The following IQSEC1 variants were observed in gnomAD, a reference collection of about 807,000 sequenced individuals.
IQSEC1 encodes the protein IQ motif and SEC7 domain-containing protein 1.
In IQSEC1, 31 loss-of-function variants were observed where a neutral mutation model predicts 91.0. The observed-to-expected ratio is 0.34, with a 90% CI of 0.26 to 0.46. The LOEUF (loss-of-function observed/expected upper bound fraction) is 0.46. IQSEC1 is among the 20% of genes least tolerant of loss of function. The pLI, the probability that IQSEC1 is intolerant of heterozygous loss-of-function variation, is 1.00. For synonymous variants in IQSEC1, 699 were observed against 662.6 expected, an observed-to-expected ratio of 1.05 and a Z score of -0.84; for missense variants, 1,388 against 1,575.6, an observed-to-expected ratio of 0.88 and a Z score of 2.02.
At position 13,044,275 on chromosome 3, in the gene IQSEC1, G is replaced by A. The variant is rs148632029; in HGVS notation, c.23+28717C>T. ...AGAAATTTTGGTTGTCACAAATGGG[G>A]AGAGAGTGCCAGCATCCAGTGGCAT... On this transcript the variant is annotated intron_variant, in intron 1 of 13. Coordinates refer to ENST00000613206, the MANE Select transcript of IQSEC1 (RefSeq NM_001134382.3). 4.3e-3 allele frequency among the ~76,000 whole-genome samples: 648 copies of A among 152,334 alleles called. 2 individuals carry two copies. Among genetic ancestry groups the A allele is most frequent in the Middle Eastern group, 0.017 (5 of 294 alleles).
rs1214047111 is a variant in IQSEC1 at position 13,099,191 on chromosome 3, T to C, written c.303-51669A>G. On this transcript the variant is annotated intron_variant, in intron 2 of 15. Transcript: ENST00000648114. ...CCACTGAGTGTAGCCCTGGGGGCCA[T>C]AGCCCCTGGAGAGGGGTGAGGAGAG... Among the ~76,000 whole-genome samples the C allele has an allele frequency of 5.3e-5, 8 of 152,102 alleles. No individual in the cohort carries two copies. In the South Asian group the frequency reaches 1.4e-3, roughly 28 times the overall value.
chr3:13,077,386 T>C (rs745522269), upstream of IQSEC1, among the ~76,000 whole-genome samples: 3 of 152,224 alleles, frequency 2.0e-5, no homozygotes, highest in Admixed American at 6.5e-5. Context: ...ATTCACTCTG[T>C]AGTGAATCTC....
intron 2 of IQSEC1, among the ~76,000 whole-genome samples, chr3:13,084,664 A>G (rs1188082621): frequency 6.6e-6 from 1 of 152,178 alleles, no homozygotes; most frequent in Non-Finnish European, 1.5e-5. Context: ...GAACTCTGGG[A>G]TGGGCAGAAC....
At chr3:13,055,588 TCAC>T (rs1315941963) in intron 1 of IQSEC1, among the ~76,000 whole-genome samples, 13 of 152,182 alleles carry the variant, frequency 8.5e-5, no homozygotes, top group Admixed American at 8.5e-4. Flanking sequence ...ACAGATGCCT[TCAC>T]CACCCGTGTA....
rs1303943372 is a variant in IQSEC1 at position 12,993,369 on chromosome 3, A to G, written c.24-51504T>C. On this transcript the variant is annotated intron_variant, in intron 1 of 13. Transcript: ENST00000613206. Reference sequence around the variant, plus strand: ...CCCAAGGCGCGTCCGTGTGGCTCCCAGCGAATTCCTGAGATGCCTCAACCT... The same window carrying G: ...CCCAAGGCGCGTCCGTGTGGCTCCCGGCGAATTCCTGAGATGCCTCAACCT... 2.6e-5 allele frequency among the ~76,000 whole-genome samples: 4 copies of G among 151,826 alleles called. 1 individual carries two copies. The highest frequency in any genetic ancestry group is 9.7e-5 in the African/African-American group (4 of 41,362).
Position 12,992,368 on chromosome 3 carries a change from C to T in IQSEC1, c.24-50503G>A, listed in dbSNP as rs1045936792. ...GGTGGGGGGTGGGAGGAGATGGCAC[C>T]GCTAAGGCAATTTCTCTTCTTTCCC... On this transcript the variant is annotated intron_variant, in intron 1 of 13. Transcript: ENST00000613206. This position sits in a 1 kb window ranked among gnomAD's most constrained non-coding sequence, Gnocchi z 4.1. Among the ~76,000 whole-genome samples, 3 of 151,908 alleles carry T rather than the reference C, an allele frequency of 2.0e-5. No individual in the cohort carries two copies. Among genetic ancestry groups the T allele is most frequent in the Non-Finnish European group, 4.4e-5 (3 of 67,928 alleles).
At chr3:13,270,928 G>A (rs1373193840) in intron 1 of IQSEC1, among the ~76,000 whole-genome samples, 1 of 152,110 alleles carries the variant, frequency 6.6e-6, no homozygotes, top group Non-Finnish European at 1.5e-5. Context: ...CAAATAGGCT[G>A]AAAATGAAAG....
chr3:13,118,058 C>T (rs1051183009), intron 2 of IQSEC1, among the ~76,000 whole-genome samples: 6 of 152,174 alleles, frequency 3.9e-5, no homozygotes, highest in South Asian at 2.1e-4. Context: ...GTAGTGTTTG[C>T]TACAGTTAAT....
At chr3:12,982,548 GA>G (rs1701517035) in intron 1 of IQSEC1, among the ~76,000 whole-genome samples, 2 of 152,152 alleles carry the variant, frequency 1.3e-5, no homozygotes, top group South Asian at 4.1e-4. Context: ...TGCCATTAAA[GA>G]AAAAAATGTT....
At chr3:13,276,706 C>T (rs1695688285) in intron 1 of IQSEC1, among the ~76,000 whole-genome samples, 1 of 152,196 alleles carries the variant, frequency 6.6e-6, no homozygotes, top group Non-Finnish European at 1.5e-5. Context: ...TTGGCAACCT[C>T]AAGGCAGCAG....
intron 2 of IQSEC1, among the ~76,000 whole-genome samples, chr3:13,127,229 A>G (rs1350338154): frequency 6.6e-6 from 1 of 152,090 alleles, no homozygotes; most frequent in African/African-American, 2.4e-5. Flanking sequence ...CCTGGCCAAC[A>G]TGGTGAAACC....
chr3:13,180,386 T>C (rs924242539), intron 1 of IQSEC1, among the ~76,000 whole-genome samples: 2 of 152,170 alleles, frequency 1.3e-5, no homozygotes, highest in Non-Finnish European at 2.9e-5. Context: ...ACTCTGTATC[T>C]AGCTAATCTA....
intron 4 of IQSEC1, among the ~76,000 whole-genome samples, chr3:12,923,787 C>T (rs924588976): frequency 1.3e-5 from 2 of 152,374 alleles, no homozygotes; most frequent in East Asian, 1.9e-4. Flanking sequence ...CCCCAGCCCT[C>T]GTTGGTCCCC....
intron 6 of IQSEC1, 45 bp downstream of exon 6, chr3:12,920,385 T>TGCTG: frequency 6.2e-7 from 1 of 1,601,094 alleles, no homozygotes; most frequent in Non-Finnish European, 8.6e-7. Context: ...CTGGGGCAGG[T>TGCTG]GCTGGAGCAA....
intron 1 of IQSEC1, among the ~76,000 whole-genome samples, chr3:12,961,229 G>A (rs1700223561): frequency 6.6e-6 from 1 of 152,222 alleles, no homozygotes; most frequent in Non-Finnish European, 1.5e-5. Flanking sequence ...CACCAGCTGA[G>A]GGCTCCAGAC....
intron 1 of IQSEC1, among the ~76,000 whole-genome samples, chr3:13,016,928 C>G (rs572282357): frequency 6.6e-6 from 1 of 152,214 alleles, no homozygotes; most frequent in Non-Finnish European, 1.5e-5. Context: ...TACCTCCCGT[C>G]TCTATAGATT....
chr3:12,916,561 C>T (rs1431178087), intron 6 of IQSEC1, among the ~76,000 whole-genome samples: 3 of 152,224 alleles, frequency 2.0e-5, no homozygotes, highest in African/African-American at 7.2e-5. Flanking sequence ...ATGGACCTCC[C>T]ACAGATGGCT....
intron 1 of IQSEC1, among the ~76,000 whole-genome samples, chr3:13,203,686 A>G (rs901592039): frequency 2.0e-5 from 3 of 152,172 alleles, no homozygotes; most frequent in Non-Finnish European, 4.4e-5. Context: ...GTGGGTCTCA[A>G]AGCAAGTCAG....
chr3:13,142,176 C>T (rs1213447499), intron 2 of IQSEC1, among the ~76,000 whole-genome samples: 2 of 152,230 alleles, frequency 1.3e-5, no homozygotes, highest in African/African-American at 2.4e-5. Flanking sequence ...GCTGAAGAAA[C>T]GCATTCTAAG....
Sources: allele counts gnomAD v4.1 joint callset (sites outside exome capture counted in the v4.1 genomes callset), GRCh38; gene constraint gnomAD v4.1.1; non-coding constraint Gnocchi (gnomAD v3.1); transcripts MANE v1.5; gene names NCBI Gene and HGNC (gene_info 2026-07-23, HGNC 2026-07-21).